Variants in NCBP1 observed in about 807,000 individuals in gnomAD.
NCBP1 encodes the protein nuclear cap-binding protein subunit 1.
A neutral mutation model predicts 111.7 loss-of-function variants in NCBP1; 16 were observed. That is an observed-to-expected ratio of 0.14 (90% CI 0.10 to 0.22). The LOEUF is 0.22. NCBP1 is among the 10% of genes least tolerant of loss of function. The probability of loss-of-function intolerance (pLI) is 1.00; values close to 1 mark genes in which losing one functional copy is unlikely to be tolerated. For synonymous variants in NCBP1, 304 were observed against 314.3 expected (o/e 0.97, Z 0.35); for missense variants, 607 against 957.5 (o/e 0.63, Z 4.83).
In NCBP1 at chr9:97,662,111, A is replaced by G. The variant is rs769724189; in HGVS notation, c.1670A>G (p.Lys557Arg). ...CAGACTCTGCTACACTTGGCAGCCA[A>G]ATCATTCAGCCACTCCTTCAGTGCT... ...FVQTLLHLAA[K>R]SFSHSFSALA... The change falls in exon 17 of 23, where the codon AAA becomes AGA. Residue 557 changes from lysine (K) to arginine (R), a missense_variant. Transcript: ENST00000375147. 2.5e-6 allele frequency: 4 copies of G among 1,613,894 alleles called. No homozygotes were observed. The highest frequency in any genetic ancestry group is 2.2e-5 in the East Asian group (1 of 44,872).
intron 13 of NCBP1, 57 bp downstream of exon 13, chr9:97,655,821 A>G: frequency 2.7e-6 from 4 of 1,490,584 alleles, no homozygotes; most frequent in Non-Finnish European, 3.7e-6. Flanking sequence ...AATGTTTAAA[A>G]CTGTAACATA....
rs910615644 is a variant in NCBP1 at position 97,671,254 on chromosome 9, T to G, written c.*55T>G. 31 of 1,307,162 alleles carry G rather than the reference T, an allele frequency of 2.4e-5. No homozygotes were observed. The highest frequency in any genetic ancestry group is 3.4e-5 in the Non-Finnish European group (31 of 922,344). 81.0% of individuals were successfully genotyped at this position (1,307,162 alleles called of 1,614,324 possible). Reference sequence around the variant, plus strand: ...TTTTGATATCTTAAAATAATTTGTCTTATTTTTTGATGGTTTGAATGCTTG... The same window carrying G: ...TTTTGATATCTTAAAATAATTTGTCGTATTTTTTGATGGTTTGAATGCTTG... On this transcript the variant is annotated 3_prime_UTR_variant, in exon 23 of 23. Coordinates refer to ENST00000375147, the MANE Select transcript of NCBP1 (RefSeq NM_002486.5).
At position 97,671,359 on chromosome 9, in the gene NCBP1, T is replaced by C. The variant is rs1828187629; in HGVS notation, c.*160T>C. 1.8e-6 allele frequency: 1 copy of C among 563,822 alleles called. No individual in the cohort carries two copies. The highest frequency in any genetic ancestry group is 2.4e-5 in the South Asian group (1 of 41,224). 34.9% of individuals were successfully genotyped at this position (563,822 alleles called of 1,614,324 possible). A position where few individuals can be genotyped will look rare whatever the true frequency, so the allele number is the denominator to read the frequency against. On this transcript the variant is annotated 3_prime_UTR_variant, in exon 23 of 23. Transcript: ENST00000375147. ...GAATGAACATGGCATTACTTTTAAT[T>C]GCCCTGAAAAGCAAATACTTCCTAA...
chr9:97,645,797 A>T lies in NCBP1; in HGVS notation c.611+65A>T, dbSNP rs563689882. On this transcript the variant is annotated intron_variant, in intron 6 of 22. Transcript: ENST00000375147. The stretch of plus-strand genomic sequence containing the variant: ...AAGGATATCTTATATCAGTGATACC[A>T]TTTGAGTTTCTCAAAAATAAGCTGT... The T allele has an allele frequency of 1.3e-4, 207 of 1,554,428 alleles. 1 individual carries two copies. Among genetic ancestry groups the T allele is most frequent in the South Asian group, 6.1e-4 (53 of 86,450 alleles).
intron 22 of NCBP1, 102 bp from the exon 23 acceptor site, chr9:97,670,984 T>C (rs1289075110): frequency 4.5e-6 from 3 of 665,746 alleles, no homozygotes; most frequent in Non-Finnish European, 7.6e-6. Context: ...CCCTTCCTCT[T>C]TTCATCATTC....
chr9:97,637,981 T>C (rs971271210), intron 1 of NCBP1, among the ~76,000 whole-genome samples: 19 of 150,970 alleles, frequency 1.3e-4, no homozygotes, highest in African/African-American at 4.3e-4. Flanking sequence ...TTATCTTTAA[T>C]TTACATTTTA....
intron 3 of NCBP1, 72 bp downstream of exon 3, chr9:97,641,734 C>G: frequency 7.3e-7 from 1 of 1,372,226 alleles, no homozygotes; most frequent in Non-Finnish European, 9.7e-7. Flanking sequence ...GGGAAATGTT[C>G]AAAATACATG....
rs994858005 is a variant in NCBP1, at chr9:97,672,704, T to A, written c.*1505T>A. ...CCCCTGAGATGGCAAGACCAGCCCCTTGTCTTCCTCAGCCTGCTCAACGTG... is the reference window on the plus strand; with the variant it reads ...CCCCTGAGATGGCAAGACCAGCCCCATGTCTTCCTCAGCCTGCTCAACGTG... On this transcript the variant is annotated 3_prime_UTR_variant, in exon 23 of 23. Transcript: ENST00000375147. The A allele has an allele frequency of 5.7e-6, 1 of 175,222 alleles. No individual in the cohort carries two copies. 10.9% of individuals were successfully genotyped at this position (175,222 alleles called of 1,614,324 possible).
At chr9:97,651,449 C>CTTATTTAT (rs925940251) in intron 10 of NCBP1, 76 bp downstream of exon 10, 4 of 1,272,408 alleles carry the variant, frequency 3.1e-6, no homozygotes, top group East Asian at 2.4e-5. Context: ...CTACTCTTGG[C>CTTATTTAT]TTATTTATTT....
At chr9:97,647,607 G>C (rs763923545) in intron 7 of NCBP1, 46 bp downstream of exon 7, 9 of 1,449,544 alleles carry the variant, frequency 6.2e-6, no homozygotes, top group Non-Finnish European at 8.7e-6. Flanking sequence ...GTCAGCTCTT[G>C]AATAGATTCT....
At chr9:97,669,216 T>C (rs1005736230) in intron 21 of NCBP1, among the ~76,000 whole-genome samples, 2 of 152,166 alleles carry the variant, frequency 1.3e-5, no homozygotes, top group African/African-American at 4.8e-5. Flanking sequence ...GAAAAAAAAT[T>C]GTGGGTTGCT....
At chr9:97,662,886 G>C in intron 17 of NCBP1, 68 bp from the exon 18 acceptor site, 1 of 1,169,866 alleles carries the variant, frequency 8.5e-7, no homozygotes, top group Middle Eastern at 2.5e-4. Flanking sequence ...CATTGAAAAG[G>C]CTTTGAAAAC....
chr9:97,660,933 A>G lies in NCBP1; in HGVS notation c.1478-13A>G. The G allele has an allele frequency of 6.2e-7, 1 of 1,605,550 alleles. No homozygotes were observed. Reference sequence around the variant, plus strand: ...TGATCTGTCATTCCCCTTACCCCCAATTCTGTGTTTAGATTCTCTTCCTGG... The same window carrying G: ...TGATCTGTCATTCCCCTTACCCCCAGTTCTGTGTTTAGATTCTCTTCCTGG... On this transcript the variant is annotated splice_polypyrimidine_tract_variant and intron_variant, in intron 15 of 22. Coordinates refer to ENST00000375147, the MANE Select transcript of NCBP1 (RefSeq NM_002486.5).
intron 10 of NCBP1, among the ~76,000 whole-genome samples, chr9:97,653,160 G>A (rs1024003098): frequency 2.2e-5 from 3 of 137,902 alleles, no homozygotes; most frequent in South Asian, 2.2e-4. Flanking sequence ...TCGCTCTGTC[G>A]CCTAGGCTGG....
rs377011060 is a variant in NCBP1 at position 97,654,919 on chromosome 9, A to G, written c.1210A>G (p.Thr404Ala). 8.1e-5 allele frequency: 130 copies of G among 1,611,124 alleles called. No individual in the cohort carries two copies. The highest frequency in any genetic ancestry group is 1.1e-4 in the Non-Finnish European group (124 of 1,179,018). The part of the protein sequence containing the change: ...ATEMLYMRLD[T>A]MNTTCVDRFI... ...TGAAATGCTATACATGCGTTTGGAC[A>G]CAATGAACACTACCTGTGTAGACAG... Residue 404 changes from threonine (T) to alanine (A), a missense_variant, in exon 12 of 23, where the codon ACA becomes GCA. Physicochemically the swap from Thr to Ala is moderately conservative, Grantham distance 58. Transcript: ENST00000375147.
At chr9:97,660,861 A>C in intron 15 of NCBP1, 85 bp from the exon 16 acceptor site, 1 of 1,461,848 alleles carries the variant, frequency 6.8e-7, no homozygotes, top group African/African-American at 1.4e-5. Flanking sequence ...AATTTAAAAA[A>C]AATTTTTCTC....
Position 97,664,321 on chromosome 9 carries a change from A to T in NCBP1, c.1798-19A>T. 6.7e-7 allele frequency: 1 copy of T among 1,497,680 alleles called. No individual in the cohort carries two copies. The highest frequency in any genetic ancestry group is 1.1e-5 in the South Asian group (1 of 88,342). 92.8% of individuals were successfully genotyped at this position (1,497,680 alleles called of 1,614,324 possible). A position where few individuals can be genotyped will look rare whatever the true frequency, so the allele number is the denominator to read the frequency against. ...TGTATGTGTGTGTGTGATTTACTTG[A>T]ATAATTCTCTCATTGTAGATGATTG... On this transcript the variant is annotated intron_variant, in intron 18 of 22. Coordinates refer to ENST00000375147, the MANE Select transcript of NCBP1 (RefSeq NM_002486.5).
intron 16 of NCBP1, among the ~76,000 whole-genome samples, chr9:97,661,631 T>C (rs73498377): frequency 0.12 from 17,969 of 152,102 alleles, 3,012 homozygotes; most frequent in African/African-American, 0.37. Context: ...CTCTAAGAAA[T>C]TTGTATTATG....
chr9:97,636,675 A>AT (rs1827050730), intron 1 of NCBP1, among the ~76,000 whole-genome samples: 2 of 109,420 alleles, frequency 1.8e-5, no homozygotes, highest in Non-Finnish European at 3.9e-5. Flanking sequence ...TATATATATA[A>AT]AATCATTTAT....
Sources: allele counts gnomAD v4.1 joint callset (sites outside exome capture counted in the v4.1 genomes callset), GRCh38; gene constraint gnomAD v4.1.1; transcripts MANE v1.5; gene names NCBI Gene and HGNC (gene_info 2026-07-23, HGNC 2026-07-21).